Variants in DCLK1 observed in about 807,000 individuals in gnomAD.
The protein encoded by DCLK1 is doublecortin like kinase 1.
DCLK1 carries 16 observed loss-of-function variants against 86.2 expected under a neutral mutation model. That is an observed-to-expected ratio of 0.19 (90% confidence interval 0.13 to 0.28). The LOEUF is 0.28. DCLK1 is among the 10% of genes least tolerant of loss of function. The pLI, the probability that DCLK1 is intolerant of heterozygous loss-of-function variation, is 1.00. For missense variants in DCLK1, 590 were observed against 940.2 expected (o/e 0.63, Z 4.87); for synonymous variants, 369 against 370.5 (o/e 1.00, Z 0.05).
intron 3 of DCLK1, among the ~76,000 whole-genome samples, chr13:35,976,434 C>T (rs1879333923): frequency 1.3e-5 from 2 of 151,894 alleles, no homozygotes; most frequent in Admixed American, 1.3e-4. Context: ...TTGGTGAACC[C>T]TTAGCAGATG....
intron 3 of DCLK1, among the ~76,000 whole-genome samples, chr13:36,026,828 A>G (rs768016911): frequency 6.6e-5 from 10 of 152,202 alleles, no homozygotes; most frequent in Admixed American, 3.9e-4. Context: ...CTTATAATGA[A>G]CCAGTATAAT....
chr13:36,019,183 T>C (rs886769537), intron 3 of DCLK1, among the ~76,000 whole-genome samples: 4 of 152,194 alleles, frequency 2.6e-5, no homozygotes, highest in African/African-American at 9.6e-5. Context: ...AATTAAGCTG[T>C]TCCTTAACCT....
intron 3 of DCLK1, among the ~76,000 whole-genome samples, chr13:36,072,075 C>T (rs969799699): frequency 9.2e-5 from 14 of 152,168 alleles, no homozygotes; most frequent in African/African-American, 3.4e-4. Flanking sequence ...TCCATTTCTT[C>T]CTGAAAGACT....
intron 3 of DCLK1, among the ~76,000 whole-genome samples, chr13:35,996,833 G>A (rs550210166): frequency 6.6e-6 from 1 of 152,184 alleles, no homozygotes; most frequent in East Asian, 1.9e-4. Context: ...TCATCCATAT[G>A]GACAGCATAA....
chr13:35,863,121 T>G (rs1410956486), intron 5 of DCLK1, among the ~76,000 whole-genome samples: 1 of 152,218 alleles, frequency 6.6e-6, no homozygotes, highest in Non-Finnish European at 1.5e-5. Flanking sequence ...CCATACCACA[T>G]AGCCATGTGT....
At chr13:35,782,344 G>T (rs1227515291) in intron 16 of DCLK1, among the ~76,000 whole-genome samples, 1 of 152,084 alleles carries the variant, frequency 6.6e-6, no homozygotes, top group African/African-American at 2.4e-5. Context: ...GACAGCCCCT[G>T]ATTTTCTTAT....
chr13:35,977,742 G>T (rs887212056), intron 3 of DCLK1, among the ~76,000 whole-genome samples: 58 of 151,712 alleles, frequency 3.8e-4, no homozygotes, highest in African/African-American at 1.3e-3. Flanking sequence ...CATCAACTCT[G>T]GTCTGCTCTT....
intron 3 of DCLK1, among the ~76,000 whole-genome samples, chr13:35,958,262 T>C (rs1878229098): frequency 3.9e-5 from 1 of 25,854 alleles, no homozygotes; most frequent in East Asian, 9.1e-4. Flanking sequence ...CTACCACTAC[T>C]ATAACCATTA....
intron 4 of DCLK1, among the ~76,000 whole-genome samples, chr13:35,879,640 T>A (rs1263250491): frequency 2.0e-5 from 3 of 152,194 alleles, no homozygotes; most frequent in Admixed American, 2.0e-4. Flanking sequence ...AGTGTTCTCA[T>A]CCACAAGGGT....
intron 3 of DCLK1, among the ~76,000 whole-genome samples, chr13:36,068,060 CATGGACT>C (rs1883831724): frequency 6.6e-6 from 1 of 152,166 alleles, no homozygotes; most frequent in African/African-American, 2.4e-5. Context: ...AGAACATAAC[CATGGACT>C]ATGACCACAC....
chr13:36,129,525 C>A (rs1408913518), intron 1 of DCLK1, among the ~76,000 whole-genome samples: 1 of 152,192 alleles, frequency 6.6e-6, no homozygotes, highest in African/African-American at 2.4e-5. Flanking sequence ...ACACTCCACA[C>A]CCTAGTGTGC....
At chr13:35,800,288 T>A (rs1023049821) in intron 15 of DCLK1, among the ~76,000 whole-genome samples, 1 of 152,242 alleles carries the variant, frequency 6.6e-6, no homozygotes, top group African/African-American at 2.4e-5. Flanking sequence ...ATGATCCTTT[T>A]CCCATCCTTA....
Position 35,846,882 on chromosome 13 carries a change from AG to A in DCLK1, c.1035+7616del, listed in dbSNP as rs1486631576. 10 of 985,220 alleles carry A rather than the reference AG, an allele frequency of 1.0e-5. No individual in the cohort carries two copies. In the African/African-American group the frequency reaches 1.7e-4, roughly 17 times the overall value. The allele number at this position is 985,220 out of a possible 1,614,324, so 61.0% of individuals were successfully genotyped here. The stretch of plus-strand genomic sequence containing the variant: ...GCAAGTATATTCAAAATTTGTCAAC[AG>A]TTTAGAGTTTTGAAAGAACATACAG... On this transcript the variant is annotated intron_variant, in intron 6 of 16. Transcript: ENST00000360631.
At chr13:35,832,603 G>T (rs1242270558) in intron 8 of DCLK1, among the ~76,000 whole-genome samples, 1 of 152,148 alleles carries the variant, frequency 6.6e-6, no homozygotes, top group African/African-American at 2.4e-5. Flanking sequence ...CCAGAGGATG[G>T]TGGCAGTTAG....
intron 2 of DCLK1, among the ~76,000 whole-genome samples, chr13:36,123,409 G>C (rs2138214759): frequency 6.6e-6 from 1 of 152,268 alleles, no homozygotes; most frequent in South Asian, 2.1e-4. Flanking sequence ...CTCACACACT[G>C]TACCAAAGTT....
At position 35,919,818 on chromosome 13, in the gene DCLK1, TA is replaced by T. The variant is rs565357904; in HGVS notation, c.823+27539del. 4.6e-3 allele frequency among the ~76,000 whole-genome samples: 634 copies of T among 136,772 alleles called. 5 individuals are homozygous for T. The highest frequency in any genetic ancestry group is 0.016 in the African/African-American group (592 of 36,738). 89.7% of individuals were successfully genotyped at this position (136,772 alleles called of 152,430 possible). ...CCTCTCAAAAAAAATTTTTTTTCAT[TA>T]AAAAAAAGAAAAAAATGTTTACCTT... On this transcript the variant is annotated intron_variant, in intron 4 of 16. Transcript: ENST00000360631.
chr13:35,875,760 T>C (rs1256681033), intron 4 of DCLK1, among the ~76,000 whole-genome samples: 3 of 152,196 alleles, frequency 2.0e-5, no homozygotes, highest in Non-Finnish European at 4.4e-5. Flanking sequence ...CCCTGCCATA[T>C]TAAAAAGCAT....
At chr13:35,796,046 T>A (rs532030189) in intron 15 of DCLK1, among the ~76,000 whole-genome samples, 1 of 152,114 alleles carries the variant, frequency 6.6e-6, no homozygotes, top group South Asian at 2.1e-4. Flanking sequence ...TTTTTGACAG[T>A]TTTTCCACAT....
chr13:36,124,778 T>A (rs1315711943), intron 2 of DCLK1, among the ~76,000 whole-genome samples: 3 of 152,164 alleles, frequency 2.0e-5, no homozygotes, highest in African/African-American at 7.2e-5. Context: ...CAACCTCCCT[T>A]TCCCAGATTC....
Sources: gnomAD v4.1 joint callset for allele counts (sites outside exome capture counted in the v4.1 genomes callset) on GRCh38, gnomAD v4.1.1 for gene constraint, MANE v1.5 for transcripts, NCBI Gene and HGNC (gene_info 2026-07-23, HGNC 2026-07-21) for gene names.